The following NEK6 variants were observed in gnomAD, a reference collection of about 807,000 sequenced individuals.
The protein encoded by NEK6 is serine/threonine-protein kinase Nek6.
NEK6 carries 27 observed loss-of-function variants against 43.5 expected under a neutral mutation model. The observed-to-expected ratio is 0.62, with a 90% CI of 0.46 to 0.86. NEK6 has a LOEUF of 0.86. Ranked by LOEUF, NEK6 falls within the 40% of genes least tolerant of loss-of-function variation. The pLI, the probability that NEK6 is intolerant of heterozygous loss-of-function variation, is 0.00. For missense variants in NEK6, 318 were observed against 414.4 expected (o/e 0.77, Z 2.02); for synonymous variants, 167 against 164.1 (o/e 1.02, Z -0.14).
chr9:124,334,362 T>C lies in NEK6; in HGVS notation c.623-5209T>C, dbSNP rs546912797. Among the ~76,000 whole-genome samples, 243 of 152,344 alleles carry C rather than the reference T, an allele frequency of 1.6e-3. 2 individuals carry two copies. Among genetic ancestry groups the C allele is most frequent in the Non-Finnish European group, 2.9e-3 (199 of 68,042 alleles). The stretch of plus-strand genomic sequence containing the variant: ...ATGGATGGATGGCAATTTGCAACAC[T>C]AGCATCTTAGAAGAAAGCTCCAAAT... On this transcript the variant is annotated intron_variant, in intron 7 of 9. Coordinates refer to ENST00000320246, the MANE Select transcript of NEK6 (RefSeq NM_014397.6).
At chr9:124,347,915 G>A (rs1830031610) in intron 9 of NEK6, 93 bp downstream of exon 9, 1 of 737,356 alleles carries the variant, frequency 1.4e-6, no homozygotes, top group East Asian at 2.6e-5. Context: ...TGGGGCTGAG[G>A]TTAGGCTCAC....
At chr9:124,295,718 A>G (rs1339652975) in intron 1 of NEK6, among the ~76,000 whole-genome samples, 1 of 152,192 alleles carries the variant, frequency 6.6e-6, no homozygotes, top group Non-Finnish European at 1.5e-5. Flanking sequence ...TGTGTGGTGC[A>G]TGCTCTGTTG....
At chr9:124,306,371 G>C (rs986128733) in intron 2 of NEK6, among the ~76,000 whole-genome samples, 1 of 152,118 alleles carries the variant, frequency 6.6e-6, no homozygotes, top group Non-Finnish European at 1.5e-5. Flanking sequence ...GATTTAGATC[G>C]TTTTGGGTTT....
intron 1 of NEK6, chr9:124,292,656 C>T (rs909121029): frequency 1.5e-6 from 2 of 1,368,792 alleles, no homozygotes; most frequent in African/African-American, 2.9e-5. Flanking sequence ...TCCATCCCTT[C>T]CCTTAAGCCC....
intron 3 of NEK6, 123 bp from the exon 4 acceptor site, chr9:124,313,800 G>GGT: frequency 1.1e-6 from 1 of 888,816 alleles, no homozygotes; most frequent in African/African-American, 1.6e-5. Flanking sequence ...TGCAGGGGGG[G>GGT]GTCACAGAGT....
rs1384634882 is a variant in NEK6 at position 124,302,053 on chromosome 9, A to G, written c.89A>G (p.Gln30Arg). ...GGGCCTGTGCATCCTCCTGACCCAC[A>G]GGTAAGCCCCTTACCTTTGTCTGCA... ...TLGPVHPPDP[Q>R]RHPNTLSFRC... is the part of the protein sequence containing the mutation. The change falls in exon 2 of 10, where the codon CAG (glutamine) becomes CGG (arginine). Residue 30 changes from glutamine to arginine, a missense_variant and splice_region_variant. By Grantham distance (43) the Gln-to-Arg change is conservative (BLOSUM62 1). Around this residue, in one of 2 missense-constraint regions of NEK6, gnomAD observed 239 missense variants for 344.4 expected, o/e 0.69. Transcript: ENST00000320246. 5 of 1,597,844 alleles carry G rather than the reference A, an allele frequency of 3.1e-6. No individual in the cohort carries two copies. Among genetic ancestry groups the G allele is most frequent in the Admixed American group, 1.7e-5 (1 of 58,372 alleles).
intron 7 of NEK6, among the ~76,000 whole-genome samples, chr9:124,331,665 C>A (rs1161614059): frequency 6.6e-6 from 1 of 152,226 alleles, no homozygotes; most frequent in African/African-American, 2.4e-5. Context: ...AGGACAGAGC[C>A]TCCTCTCATG....
At chr9:124,335,734 G>A (rs927611) in intron 7 of NEK6, among the ~76,000 whole-genome samples, 1 of 152,204 alleles carries the variant, frequency 6.6e-6, no homozygotes, top group Non-Finnish European at 1.5e-5. Context: ...CCTGGGAGTT[G>A]ACAGCCCAGA....
rs749951084 is a variant in NEK6 at position 124,347,695 on chromosome 9, C to G, written c.718-14C>G. 13 of 1,535,508 alleles carry G rather than the reference C, an allele frequency of 8.5e-6. No homozygotes were observed. The highest frequency in any genetic ancestry group is 1.1e-5 in the Non-Finnish European group (12 of 1,120,502). On this transcript the variant is annotated splice_polypyrimidine_tract_variant and intron_variant, in intron 8 of 9. Transcript: ENST00000320246. ...AGGCCGAAAGCTTATCTTCGTTGTTCCCGTCCCTTGCAGATGGCAGCCCTC... is the reference window on the plus strand; with the variant it reads ...AGGCCGAAAGCTTATCTTCGTTGTTGCCGTCCCTTGCAGATGGCAGCCCTC...
At chr9:124,300,899 T>C (rs1324021772) in intron 1 of NEK6, among the ~76,000 whole-genome samples, 1 of 152,140 alleles carries the variant, frequency 6.6e-6, no homozygotes, top group East Asian at 1.9e-4. Flanking sequence ...TAGGATGTGG[T>C]CACATGAGAG....
At chr9:124,261,492 T>TCG in intron 1 of NEK6, 3 of 985,468 alleles carry the variant, frequency 3.0e-6, no homozygotes, top group Non-Finnish European at 3.6e-6. Flanking sequence ...GGGACACTGT[T>TCG]CGCAGGAAGA....
upstream of NEK6, chr9:124,257,849 C>G (rs560066250): frequency 7.2e-4 from 790 of 1,094,534 alleles, no homozygotes; most frequent in Middle Eastern, 2.2e-3. Flanking sequence ...GGGCGCCCCC[C>G]GCCCCTCAAG....
intron 1 of NEK6, among the ~76,000 whole-genome samples, chr9:124,270,463 T>C (rs1831394226): frequency 6.6e-6 from 1 of 152,124 alleles, no homozygotes; most frequent in African/African-American, 2.4e-5. Flanking sequence ...CAGGGCCAGC[T>C]ACAAAATTTG....
At chr9:124,292,267 C>T (rs1271745060) in intron 1 of NEK6, among the ~76,000 whole-genome samples, 1 of 152,230 alleles carries the variant, frequency 6.6e-6, no homozygotes, top group Non-Finnish European at 1.5e-5. Context: ...GCTGCCCATT[C>T]AGCCAGTCCC....
chr9:124,271,239 T>G lies in NEK6; in HGVS notation c.-30+13154T>G, dbSNP rs531172155. The stretch of plus-strand genomic sequence containing the variant: ...ACCCCTCTGACTTCCGCTCCTTGAG[T>G]GACAAGGGTCAGAAATCGAGTGGCG... On this transcript the variant is annotated intron_variant, in intron 1 of 9. Coordinates refer to ENST00000320246, the MANE Select transcript of NEK6 (RefSeq NM_014397.6). Among the ~76,000 whole-genome samples the G allele has an allele frequency of 3.3e-5, 5 of 152,314 alleles. No homozygotes were observed. In the South Asian group the frequency reaches 1.0e-3, roughly 32 times the overall value.
rs530642696 is a variant in NEK6, at chr9:124,305,565, A to G, written c.90+3511A>G. Among the ~76,000 whole-genome samples the G allele has an allele frequency of 4.7e-3, 712 of 151,626 alleles. 5 individuals carry two copies. Among genetic ancestry groups the G allele is most frequent in the African/African-American group, 0.017 (696 of 41,314 alleles). ...TGAGACCCCATCTCAAAAAAAAAAA[A>G]AAAAGAAAAAGAAAAGAAATTCAGT... On this transcript the variant is annotated intron_variant, in intron 2 of 9. Coordinates refer to ENST00000320246, the MANE Select transcript of NEK6 (RefSeq NM_014397.6).
At chr9:124,301,702 G>A (rs1442897339) in intron 1 of NEK6, among the ~76,000 whole-genome samples, 1 of 152,182 alleles carries the variant, frequency 6.6e-6, no homozygotes, top group African/African-American at 2.4e-5. Flanking sequence ...CCTGCCTGGA[G>A]CCTCTTCCAG....
intron 2 of NEK6, among the ~76,000 whole-genome samples, chr9:124,307,394 T>G (rs1433187290): frequency 6.6e-6 from 1 of 152,110 alleles, no homozygotes; most frequent in African/African-American, 2.4e-5. Context: ...TGGCGGTGGC[T>G]CGGGGACCTT....
intron 1 of NEK6, among the ~76,000 whole-genome samples, chr9:124,260,494 A>G (rs1011423533): frequency 6.6e-6 from 1 of 152,120 alleles, no homozygotes; most frequent in Non-Finnish European, 1.5e-5. Context: ...CCTGGGTTCA[A>G]GTGAGCCTCC....
Sources: allele counts gnomAD v4.1 joint callset (sites outside exome capture counted in the v4.1 genomes callset), GRCh38; gene constraint gnomAD v4.1.1; regional missense constraint gnomAD v4.1.1; transcripts MANE v1.5; gene names NCBI Gene and HGNC (gene_info 2026-07-23, HGNC 2026-07-21).